HAUS8: variants seen among roughly 807,000 people sequenced by gnomAD.
HAUS8 encodes HAUS augmin like complex subunit 8, also known as HAUS augmin-like complex subunit 8.
HAUS8 carries 38 observed loss-of-function variants against 42.9 expected under a neutral mutation model. The ratio of observed to expected loss-of-function variants is 0.89; its 90% CI spans 0.68 to 1.16. The LOEUF (loss-of-function observed/expected upper bound fraction) is 1.16, where lower values mean the gene tolerates loss of function less well. Among genes scored for constraint, HAUS8 ranks in the 50% most tolerant of loss-of-function variants. The pLI is 0.00. For synonymous variants in HAUS8, 199 were observed against 205.8 expected (o/e 0.97, Z 0.28); for missense variants, 494 against 511.6 (o/e 0.97, Z 0.33).
At chr19:17,055,116 A>G (rs2057311900) in intron 9 of HAUS8, 1 of 9,558 alleles carries the variant, frequency 1.0e-4, no homozygotes, top group African/African-American at 4.1e-4. Context: ...TCTCTACAGA[A>G]AAAAAAAAAA....
chr19:17,072,383 C>G (rs573449329), intron 2 of HAUS8, among the ~76,000 whole-genome samples: 1 of 145,156 alleles, frequency 6.9e-6, no homozygotes, highest in African/African-American at 2.6e-5. Flanking sequence ...TCGCTCGCCA[C>G]CCAGGTTGGA....
At chr19:17,064,972 A>G (rs761823653) in intron 3 of HAUS8, among the ~76,000 whole-genome samples, 12 of 152,244 alleles carry the variant, frequency 7.9e-5, no homozygotes, top group Admixed American at 3.9e-4. Context: ...TGGTATCCAG[A>G]ATATAGAAAG....
intron 1 of HAUS8, 21 bp downstream of exon 1, chr19:17,075,373 C>A (rs989882637): frequency 3.7e-6 from 6 of 1,613,718 alleles, no homozygotes; most frequent in Admixed American, 1.7e-5. Context: ...CAAATCCAGA[C>A]CTGCGGAAGC....
At chr19:17,062,809 A>G (rs1447123263) in intron 3 of HAUS8, 30 bp from the exon 4 acceptor site, 2 of 1,539,950 alleles carry the variant, frequency 1.3e-6, no homozygotes, top group Non-Finnish European at 1.8e-6. Context: ...CACTCAGAGG[A>G]CAAGACATCC....
At chr19:17,052,444 G>A (rs1303842811) in intron 10 of HAUS8, 6 of 176,444 alleles carry the variant, frequency 3.4e-5, no homozygotes, top group Non-Finnish European at 7.2e-5. Flanking sequence ...AGCTGGGCAT[G>A]GTGGCGCACA....
chr19:17,073,599 A>G, intron 1 of HAUS8: 1 of 496,152 alleles, frequency 2.0e-6, no homozygotes, highest in South Asian at 2.3e-5. Context: ...ATCACAGCAG[A>G]TCTCAAATTA....
chr19:17,062,069 C>G (rs1357310479), intron 4 of HAUS8, among the ~76,000 whole-genome samples: 1 of 152,232 alleles, frequency 6.6e-6, no homozygotes, highest in Non-Finnish European at 1.5e-5. Context: ...ATACCTGTTC[C>G]TCTATGTCTG....
intron 8 of HAUS8, 130 bp from the exon 9 acceptor site, chr19:17,056,132 AG>A: frequency 1.1e-6 from 1 of 914,262 alleles, no homozygotes; most frequent in East Asian, 2.5e-5. Context: ...ATCAGAGCTC[AG>A]GAAGTTTCCG....
intron 10 of HAUS8, 142 bp from the exon 11 acceptor site, chr19:17,050,318 C>A (rs535915186): frequency 1.3e-4 from 64 of 492,116 alleles, no homozygotes; most frequent in African/African-American, 1.2e-3. Context: ...CAAATAAGAT[C>A]CGTCTGAAAA....
At chr19:17,071,471 G>C (rs1354493534) in intron 2 of HAUS8, among the ~76,000 whole-genome samples, 2 of 152,122 alleles carry the variant, frequency 1.3e-5, no homozygotes, top group African/African-American at 4.8e-5. Flanking sequence ...GGACCAGGTG[G>C]GGTCCCAGGG....
In HAUS8 at chr19:17,052,937, G is replaced by A. The variant is rs747830029; in HGVS notation, c.817C>T (p.Gln273Ter). ...DALQHELVTT[Q>*]RLLGELDVGD... is the part of the protein sequence containing the mutation. ...ACATCAAGTTCTCCCAGGAGGCGCTGAGTGGTCACCAGTTCATGCTGCAGG... is the reference window on the plus strand; with the variant it reads ...ACATCAAGTTCTCCCAGGAGGCGCTAAGTGGTCACCAGTTCATGCTGCAGG... The change falls in exon 10 of 11, where the codon CAG becomes TAG. Residue 273 changes from glutamine to a stop codon, truncating the protein, a stop_gained. Coordinates refer to ENST00000253669, the MANE Select transcript of HAUS8 (RefSeq NM_033417.2). LOFTEE classifies it high-confidence loss of function. 5 of 1,614,220 alleles carry A rather than the reference G, an allele frequency of 3.1e-6. No homozygotes were observed. Among genetic ancestry groups the A allele is most frequent in the African/African-American group, 1.3e-5 (1 of 75,054 alleles).
At chr19:17,067,505 A>G (rs2057393995) in intron 3 of HAUS8, among the ~76,000 whole-genome samples, 1 of 152,124 alleles carries the variant, frequency 6.6e-6, no homozygotes, top group African/African-American at 2.4e-5. Context: ...GCAAGACCCT[A>G]TGCTGAAAAG....
At chr19:17,065,609 C>A (rs2057382895) in intron 3 of HAUS8, among the ~76,000 whole-genome samples, 2 of 152,074 alleles carry the variant, frequency 1.3e-5, no homozygotes. Context: ...GTGGGCAGAT[C>A]ACGAGGTCAG....
intron 2 of HAUS8, among the ~76,000 whole-genome samples, chr19:17,070,788 G>C (rs894769302): frequency 6.6e-6 from 1 of 152,220 alleles, no homozygotes; most frequent in African/African-American, 2.4e-5. Context: ...AATGATTCTA[G>C]GCCAGGCGTA....
intron 2 of HAUS8, among the ~76,000 whole-genome samples, chr19:17,072,501 G>A (rs2057433359): frequency 6.6e-6 from 1 of 151,608 alleles, no homozygotes; most frequent in African/African-American, 2.4e-5. Context: ...TACCACCATG[G>A]CCGGCTAATT....
At chr19:17,055,167 T>C (rs866277005) in intron 9 of HAUS8, 2 of 45,424 alleles carry the variant, frequency 4.4e-5, no homozygotes, top group Non-Finnish European at 7.1e-5. Context: ...TATATATATA[T>C]ATATATATAT....
At chr19:17,072,575 C>A (rs2057433798) in intron 2 of HAUS8, among the ~76,000 whole-genome samples, 1 of 152,042 alleles carries the variant, frequency 6.6e-6, no homozygotes. Context: ...CTCTTGACCT[C>A]ATGATCCACC....
intron 10 of HAUS8, 57 bp downstream of exon 10, chr19:17,052,768 C>A: frequency 6.2e-7 from 1 of 1,601,832 alleles, no homozygotes; most frequent in Non-Finnish European, 8.5e-7. Context: ...AGTGCAGCCA[C>A]CAACAGCCCT....
chr19:17,054,752 G>A (rs2057309503), intron 9 of HAUS8, among the ~76,000 whole-genome samples: 1 of 151,658 alleles, frequency 6.6e-6, no homozygotes, highest in Admixed American at 6.6e-5. Context: ...AGAGAGCCAG[G>A]ATTGCACCAT....
Sources: allele counts gnomAD v4.1 joint callset (sites outside exome capture counted in the v4.1 genomes callset), GRCh38; gene constraint gnomAD v4.1.1; transcripts MANE v1.5; gene names NCBI Gene and HGNC (gene_info 2026-07-23, HGNC 2026-07-21).